The following ZNF385B variants were observed in gnomAD, a reference collection of about 807,000 sequenced individuals.
ZNF385B encodes zinc finger protein 533.
ZNF385B carries 23 observed loss-of-function variants against 39.2 expected under a neutral mutation model. That is an observed-to-expected ratio of 0.59 (90% CI 0.42 to 0.83). The LOEUF (loss-of-function observed/expected upper bound fraction) is 0.83, where lower values mean the gene tolerates loss of function less well. ZNF385B is among the 40% of genes least tolerant of loss of function. The pLI, the probability that ZNF385B is intolerant of heterozygous loss-of-function variation, is 0.00. For synonymous variants in ZNF385B, 205 were observed against 222.6 expected (o/e 0.92, Z 0.70); for missense variants, 552 against 598.9 (o/e 0.92, Z 0.82).
At chr2:179,769,460 A>T in intron 3 of ZNF385B, 43 bp downstream of exon 3, 1 of 1,606,586 alleles carries the variant, frequency 6.2e-7, no homozygotes, top group Non-Finnish European at 8.5e-7. Context: ...GACCAGGACC[A>T]TCTCTCCCCG....
rs1441083038 is a variant in ZNF385B, at chr2:179,518,615, A to C, written c.465T>G (p.Val155=). 2 of 1,599,984 alleles carry C rather than the reference A, an allele frequency of 1.3e-6. No individual in the cohort carries two copies. The highest frequency in any genetic ancestry group is 1.7e-6 in the Non-Finnish European group (2 of 1,175,558). ...TGGATACTCCAAATGTATGGTTAAT[A>C]ACCGCTTTTTGCACAGGATCCATCT... ...FNTMDPVQKA[V]INHTFGVSIP... is the part of the protein sequence containing the mutation. Residue 155 remains valine, a synonymous_variant, in exon 5 of 10, where the codon GTT becomes GTG. Coordinates refer to ENST00000410066, the MANE Select transcript of ZNF385B (RefSeq NM_152520.6).
At chr2:179,718,527 T>A (rs966998554) in intron 3 of ZNF385B, among the ~76,000 whole-genome samples, 15 of 148,148 alleles carry the variant, frequency 1.0e-4, no homozygotes, top group African/African-American at 3.7e-4. Flanking sequence ...TATATTATCA[T>A]AAAGAGAGAG....
intron 6 of ZNF385B, among the ~76,000 whole-genome samples, chr2:179,474,138 G>A (rs888707104): frequency 6.6e-6 from 1 of 151,812 alleles, no homozygotes; most frequent in African/African-American, 2.4e-5. Context: ...AAATAGGGTA[G>A]GGAAAGAAAC....
At chr2:179,477,988 T>C (rs1224140336) in intron 6 of ZNF385B, among the ~76,000 whole-genome samples, 1 of 152,198 alleles carries the variant, frequency 6.6e-6, no homozygotes, top group African/African-American at 2.4e-5. Flanking sequence ...AAATGGTTAG[T>C]GGTTTCTTCC....
chr2:179,577,034 C>CCAGGAG lies in ZNF385B; in HGVS notation c.299-32071_299-32066dup, dbSNP rs1685907125. Among the ~76,000 whole-genome samples the CCAGGAG allele has an allele frequency of 2.6e-5, 4 of 152,132 alleles. No individual in the cohort carries two copies. The South Asian group carries it at 8.3e-4, about 32-fold the overall frequency. ...ATTCCTCAGATAAGATATAAGGAAT[C>CCAGGAG]CAGGAGAAAACTGGATATAAAAATA... On this transcript the variant is annotated intron_variant, in intron 3 of 9. Coordinates refer to ENST00000410066, the MANE Select transcript of ZNF385B (RefSeq NM_152520.6).
At chr2:179,520,694 T>C (rs1260889527) in intron 4 of ZNF385B, among the ~76,000 whole-genome samples, 1 of 152,202 alleles carries the variant, frequency 6.6e-6, no homozygotes, top group Non-Finnish European at 1.5e-5. Context: ...AACAAGAGCA[T>C]TTTATTGAGA....
In ZNF385B at chr2:179,583,707, T is replaced by C. The variant is rs574129829; in HGVS notation, c.299-38738A>G. ...TAGTTATACCTCACTCAGCAAGTAA[T>C]ACAGGTAAATATCTAAATAAATACA... On this transcript the variant is annotated intron_variant, in intron 3 of 9. Coordinates refer to ENST00000410066, the MANE Select transcript of ZNF385B (RefSeq NM_152520.6). 7.2e-5 allele frequency among the ~76,000 whole-genome samples: 11 copies of C among 152,326 alleles called. No individual in the cohort carries two copies. The South Asian group carries it at 2.1e-3, about 29-fold the overall frequency.
At chr2:179,795,821 T>C (rs1705628575) in intron 1 of ZNF385B, among the ~76,000 whole-genome samples, 1 of 152,194 alleles carries the variant, frequency 6.6e-6, no homozygotes, top group Non-Finnish European at 1.5e-5. Context: ...TTTTAAATTA[T>C]GAAGCAATCC....
At chr2:179,710,088 G>T (rs1416852573) in intron 3 of ZNF385B, among the ~76,000 whole-genome samples, 3 of 152,148 alleles carry the variant, frequency 2.0e-5, no homozygotes, top group African/African-American at 7.2e-5. Context: ...TGGATGAACG[G>T]ACTGTTGATG....
chr2:179,483,332 C>T lies in ZNF385B; in HGVS notation c.655G>A (p.Ala219Thr), dbSNP rs562160148. The T allele has an allele frequency of 8.7e-6, 14 of 1,613,964 alleles. No homozygotes were observed. Among genetic ancestry groups the T allele is most frequent in the Admixed American group, 8.3e-5 (5 of 59,982 alleles). ...KPKMVPSKDS[A>T]KANPSCSITP... is the part of the protein sequence containing the mutation. ...ATGGAGCAGCTGGGATTAGCCTTTG[C>T]GCTGTCCTTGGAAGGAACCATTTTG... Residue 219 changes from alanine (A) to threonine (T), a missense_variant, in exon 6 of 10, where the codon GCA becomes ACA. Transcript: ENST00000410066.
intron 1 of ZNF385B, among the ~76,000 whole-genome samples, chr2:179,851,266 C>T (rs940097593): frequency 5.9e-5 from 9 of 152,126 alleles, no homozygotes; most frequent in East Asian, 5.8e-4. Context: ...GCCCGTGCAA[C>T]GCGGCAAGAC....
chr2:179,493,700 T>C (rs1221827195), intron 5 of ZNF385B, among the ~76,000 whole-genome samples: 38 of 143,106 alleles, frequency 2.7e-4, no homozygotes, highest in African/African-American at 9.2e-4. Context: ...TATATACATA[T>C]ATGTATACAC....
At chr2:179,745,664 A>T in intron 3 of ZNF385B, 1 of 1,470,752 alleles carries the variant, frequency 6.8e-7, no homozygotes, top group Non-Finnish European at 9.2e-7. Flanking sequence ...AGAATCTGTT[A>T]CTGACATCCC....
chr2:179,595,371 G>T (rs1687911042), intron 3 of ZNF385B, among the ~76,000 whole-genome samples: 1 of 152,214 alleles, frequency 6.6e-6, no homozygotes, highest in Admixed American at 6.5e-5. Context: ...TTCCTGTAAA[G>T]CTTAAAAACT....
At chr2:179,483,138 G>A (rs886221282) in intron 6 of ZNF385B, 134 bp downstream of exon 6, 66 of 962,424 alleles carry the variant, frequency 6.9e-5, no homozygotes, top group African/African-American at 5.8e-4. Context: ...AATCCTTCCC[G>A]TGAAGAAAAC....
At chr2:179,582,549 G>A (rs1686650672) in intron 3 of ZNF385B, among the ~76,000 whole-genome samples, 1 of 151,978 alleles carries the variant, frequency 6.6e-6, no homozygotes, top group African/African-American at 2.4e-5. Flanking sequence ...TTATCCTTAG[G>A]TACTCCTTTA....
chr2:179,760,092 A>G (rs572677643), intron 3 of ZNF385B, among the ~76,000 whole-genome samples: 1 of 147,352 alleles, frequency 6.8e-6, no homozygotes, highest in East Asian at 2.0e-4. Context: ...TCTGTCACCC[A>G]GGCTGGAGTG....
intron 3 of ZNF385B, among the ~76,000 whole-genome samples, chr2:179,590,334 A>C (rs996369937): frequency 6.6e-6 from 1 of 152,332 alleles, no homozygotes; most frequent in Admixed American, 6.5e-5. Flanking sequence ...TCATGGGATT[A>C]AACGAGACAA....
chr2:179,536,437 A>T (rs2059570825), intron 4 of ZNF385B: 1 of 152,206 alleles, frequency 6.6e-6, no homozygotes, highest in Non-Finnish European at 1.5e-5. Flanking sequence ...ATGAGGCCCC[A>T]GAACCATGTG....
Sources: allele counts gnomAD v4.1 joint callset (sites outside exome capture counted in the v4.1 genomes callset), GRCh38; gene constraint gnomAD v4.1.1; transcripts MANE v1.5; gene names NCBI Gene and HGNC (gene_info 2026-07-23, HGNC 2026-07-21).